CACNA1E: variants seen among roughly 807,000 people sequenced by gnomAD.
CACNA1E encodes voltage-dependent R-type calcium channel subunit alpha-1E.
Under a neutral mutation model 259.2 loss-of-function variants are expected in CACNA1E, and 40 were observed. That is an observed-to-expected ratio of 0.15 (90% CI 0.12 to 0.20). The LOEUF (loss-of-function observed/expected upper bound fraction) is 0.20. Among genes scored for constraint, CACNA1E ranks in the 10% least tolerant of loss-of-function variants. The pLI is 1.00. For synonymous variants in CACNA1E, 1,104 were observed against 1,138.5 expected (o/e 0.97, Z 0.61); for missense variants, 1,874 against 3,040.1 (o/e 0.62, Z 9.02).
chr1:181,341,447 C>T (rs1652145438), intron 1 of CACNA1E, among the ~76,000 whole-genome samples: 5 of 151,236 alleles, frequency 3.3e-5, no homozygotes, highest in Admixed American at 3.3e-4. Context: ...CTTCCTCCTC[C>T]CTTGTCTAGA....
At chr1:181,506,573 A>G (rs1351636624) in intron 1 of CACNA1E, among the ~76,000 whole-genome samples, 2 of 152,232 alleles carry the variant, frequency 1.3e-5, no homozygotes, top group African/African-American at 2.4e-5. Context: ...CTTTCAAGAT[A>G]TAGTTTCTTG....
chr1:181,489,683 TCA>T (rs1328028945), intron 1 of CACNA1E, among the ~76,000 whole-genome samples: 2 of 152,234 alleles, frequency 1.3e-5, no homozygotes, highest in Non-Finnish European at 2.9e-5. Flanking sequence ...TCTTGGGTTT[TCA>T]CACTGATAAA....
chr1:181,651,064 C>T (rs1658713813), intron 6 of CACNA1E, among the ~76,000 whole-genome samples: 1 of 152,214 alleles, frequency 6.6e-6, no homozygotes. Context: ...GGAAAAGTAT[C>T]TGACCTTTCT....
intron 3 of CACNA1E, among the ~76,000 whole-genome samples, chr1:181,519,167 G>A (rs1464599043): frequency 6.6e-6 from 1 of 152,168 alleles, no homozygotes; most frequent in Admixed American, 6.5e-5. Flanking sequence ...AGGTGGATAT[G>A]GCATAAATGC....
At chr1:181,597,415 TTG>T (rs1033191017) in intron 6 of CACNA1E, among the ~76,000 whole-genome samples, 2 of 152,202 alleles carry the variant, frequency 1.3e-5, no homozygotes, top group Non-Finnish European at 2.9e-5. Context: ...GTGTTTCGCA[TTG>T]TGTTACCTCT....
intron 2 of CACNA1E, among the ~76,000 whole-genome samples, chr1:181,466,828 C>A (rs949503149): frequency 6.6e-6 from 1 of 152,148 alleles, no homozygotes. Flanking sequence ...TCTTATTCTG[C>A]CATCTTTCTA....
chr1:181,717,434 C>T (rs1406672844), intron 11 of CACNA1E, 132 bp downstream of exon 11: 2 of 707,294 alleles, frequency 2.8e-6, no homozygotes, highest in Non-Finnish European at 5.0e-6. Flanking sequence ...AGGGAGGCCA[C>T]ATCGTCCTCA....
chr1:181,616,566 T>C (rs1327059629), intron 6 of CACNA1E, among the ~76,000 whole-genome samples: 1 of 152,050 alleles, frequency 6.6e-6, no homozygotes, highest in African/African-American at 2.4e-5. Flanking sequence ...TTACGAAAAT[T>C]AGCTGGGTGT....
chr1:181,554,881 G>T (rs1648558321), intron 3 of CACNA1E, among the ~76,000 whole-genome samples: 2 of 152,222 alleles, frequency 1.3e-5, no homozygotes, highest in Non-Finnish European at 2.9e-5. Context: ...ATTTAATTTG[G>T]AGCTGCAGGC....
At chr1:181,514,645 CA>C (rs764333818) in intron 3 of CACNA1E, among the ~76,000 whole-genome samples, 1 of 152,070 alleles carries the variant, frequency 6.6e-6, no homozygotes, top group African/African-American at 2.4e-5. Context: ...GGAGGAATGA[CA>C]GGTGCTGGAG....
chr1:181,543,489 G>A (rs1225292489), intron 3 of CACNA1E, among the ~76,000 whole-genome samples: 1 of 152,172 alleles, frequency 6.6e-6, no homozygotes, highest in Non-Finnish European at 1.5e-5. Flanking sequence ...TAGTTCATAA[G>A]GGTACAGCCT....
At chr1:181,673,990 C>G (rs1385527057) in intron 7 of CACNA1E, among the ~76,000 whole-genome samples, 5 of 152,074 alleles carry the variant, frequency 3.3e-5, no homozygotes, top group African/African-American at 1.2e-4. Flanking sequence ...CACAGCTAAT[C>G]CTGTTAGGGC....
rs192278915 is a variant in CACNA1E, at chr1:181,410,848, T to G, written c.-14-2285T>G. Among the ~76,000 whole-genome samples the G allele has an allele frequency of 3.9e-4, 59 of 152,294 alleles. 1 individual carries two copies. The highest frequency in any genetic ancestry group is 3.4e-3 in the Middle Eastern group (1 of 294). On this transcript the variant is annotated intron_variant, in intron 1 of 11. Coordinates refer to the CACNA1E transcript ENST00000524607. ...TTATAATTCCTAACCATTGAAATAG[T>G]CTTTGTTTTTGTGACTTGCAATTTG...
chr1:181,409,851 C>A (rs1657722908), intron 1 of CACNA1E, among the ~76,000 whole-genome samples: 1 of 152,150 alleles, frequency 6.6e-6, no homozygotes, highest in Non-Finnish European at 1.5e-5. Context: ...TGGAGCTCCG[C>A]AGTGCATATT....
intron 18 of CACNA1E, 109 bp from the exon 19 acceptor site, chr1:181,731,066 T>G: frequency 1.3e-6 from 1 of 794,294 alleles, no homozygotes. Context: ...GGAGACCTGA[T>G]GGCCACACAG....
chr1:181,350,228 A>G (rs554810899), intron 1 of CACNA1E, among the ~76,000 whole-genome samples: 146 of 152,316 alleles, frequency 9.6e-4, no homozygotes, highest in Non-Finnish European at 1.4e-3. Context: ...CGCAAGTGAT[A>G]TTCTTCTTCT....
chr1:181,721,020 A>T lies in CACNA1E; in HGVS notation c.1956+165A>T, dbSNP rs146432554. Among the ~76,000 whole-genome samples the T allele has an allele frequency of 0.015, 2,321 of 152,308 alleles. 22 individuals carry two copies. The highest frequency in any genetic ancestry group is 0.024 in the Non-Finnish European group (1,637 of 68,028). On this transcript the variant is annotated intron_variant, in intron 15 of 47. Transcript: ENST00000367573. ...AGCGGTCATTACTACAATAATCCCT[A>T]GAACTTCTGTGGCTTTGTTCTTACC...
At chr1:181,479,419 CCAAT>C (rs1220292954), upstream of CACNA1E, among the ~76,000 whole-genome samples, 2 of 152,184 alleles carry the variant, frequency 1.3e-5, no homozygotes, top group Non-Finnish European at 2.9e-5. Context: ...AGACTGGTTT[CCAAT>C]CAGAGTTATG....
At chr1:181,414,469 T>A (rs1658114286) in intron 2 of CACNA1E, among the ~76,000 whole-genome samples, 1 of 152,230 alleles carries the variant, frequency 6.6e-6, no homozygotes, top group African/African-American at 2.4e-5. Flanking sequence ...TTCATAAGGA[T>A]GTTAATGTTT....
Sources: allele counts gnomAD v4.1 joint callset (sites outside exome capture counted in the v4.1 genomes callset), GRCh38; gene constraint gnomAD v4.1.1; transcripts MANE v1.5; gene names NCBI Gene and HGNC (gene_info 2026-07-23, HGNC 2026-07-21).